The following SLC24A2 variants were observed in gnomAD, a reference collection of about 807,000 sequenced individuals.
SLC24A2 encodes sodium/potassium/calcium exchanger 2.
In SLC24A2, 36 loss-of-function variants were observed where a neutral mutation model predicts 62.0. That is an observed-to-expected ratio of 0.58 (90% CI 0.44 to 0.77). SLC24A2 has a LOEUF of 0.77. SLC24A2 is among the 30% of genes least tolerant of loss of function. The pLI is 0.00. For synonymous variants in SLC24A2, 358 were observed against 294.0 expected (o/e 1.22, Z -2.23); for missense variants, 846 against 817.9 (o/e 1.03, Z -0.42).
the SLC24A2 span, among the ~76,000 whole-genome samples, chr9:20,298,123 C>G: frequency 1.3e-5 from 2 of 152,222 alleles, no homozygotes; most frequent in African/African-American, 4.8e-5. Flanking sequence ...GAAGCTCAGA[C>G]AGTGCCAGGC....
chr9:20,133,370 C>A, the SLC24A2 span, among the ~76,000 whole-genome samples: 4 of 152,088 alleles, frequency 2.6e-5, no homozygotes, highest in Non-Finnish European at 5.9e-5. Flanking sequence ...ACAGGGCAAA[C>A]TTACAAACAA....
chr9:19,566,868 C>A (rs1366665928), intron 7 of SLC24A2, among the ~76,000 whole-genome samples: 2 of 151,896 alleles, frequency 1.3e-5, no homozygotes, highest in African/African-American at 4.8e-5. Context: ...GAACAAAAAA[C>A]CAAACACAGC....
At chr9:20,156,588 A>G in the SLC24A2 span, among the ~76,000 whole-genome samples, 1 of 151,732 alleles carries the variant, frequency 6.6e-6, no homozygotes, top group African/African-American at 2.4e-5. Context: ...CCCAAGGCAC[A>G]TATGTTGCTA....
intron 4 of SLC24A2, among the ~76,000 whole-genome samples, chr9:19,598,801 C>T (rs1290121192): frequency 6.6e-6 from 1 of 152,004 alleles, no homozygotes; most frequent in Non-Finnish European, 1.5e-5. Flanking sequence ...AAATATAAAA[C>T]ATATGTTCAT....
chr9:19,774,684 C>T (rs942962641), intron 2 of SLC24A2, among the ~76,000 whole-genome samples: 3 of 152,112 alleles, frequency 2.0e-5, no homozygotes, highest in African/African-American at 7.2e-5. Context: ...AACTCAGTGT[C>T]CATCAAGCAG....
the SLC24A2 span, among the ~76,000 whole-genome samples, chr9:20,028,180 C>A: frequency 6.6e-5 from 10 of 152,164 alleles, no homozygotes; most frequent in Non-Finnish European, 1.5e-4. Context: ...CTGCCCATCC[C>A]TTCCAAGGTA....
intron 9 of SLC24A2, among the ~76,000 whole-genome samples, chr9:19,524,053 T>C (rs116589476): frequency 7.2e-6 from 1 of 138,634 alleles, no homozygotes; most frequent in African/African-American, 2.7e-5. Context: ...GACAGTACTC[T>C]GAAAAATCAG....
chr9:20,069,620 G>A, the SLC24A2 span, among the ~76,000 whole-genome samples: 3 of 152,084 alleles, frequency 2.0e-5, no homozygotes, highest in Non-Finnish European at 4.4e-5. Context: ...TGATATCTAT[G>A]GTAATAATTA....
chr9:20,234,839 T>A, the SLC24A2 span, among the ~76,000 whole-genome samples: 2 of 152,228 alleles, frequency 1.3e-5, no homozygotes, highest in African/African-American at 4.8e-5. Context: ...GCTCTGTTTT[T>A]TTCCCATCTT....
the SLC24A2 span, among the ~76,000 whole-genome samples, chr9:20,220,634 T>C: frequency 6.6e-6 from 1 of 152,202 alleles, no homozygotes; most frequent in African/African-American, 2.4e-5. Flanking sequence ...TGTTTGTTTA[T>C]TTAGCTTTCA....
chr9:19,882,642 A>C, the SLC24A2 span, among the ~76,000 whole-genome samples: 1 of 150,018 alleles, frequency 6.7e-6, no homozygotes, highest in Non-Finnish European at 1.5e-5. Context: ...CCTCTGCAAA[A>C]GCTTCCTGAG....
chr9:20,198,232 C>T, the SLC24A2 span, among the ~76,000 whole-genome samples: 5 of 152,168 alleles, frequency 3.3e-5, no homozygotes, highest in Non-Finnish European at 7.3e-5. Flanking sequence ...AAAAGCATGT[C>T]ACTTTTCTTT....
the SLC24A2 span, among the ~76,000 whole-genome samples, chr9:20,043,094 T>C: frequency 6.6e-6 from 1 of 152,182 alleles, no homozygotes; most frequent in Non-Finnish European, 1.5e-5. Context: ...CCTTTCACTT[T>C]AATTCAAAAG....
At chr9:20,052,503 T>C in the SLC24A2 span, among the ~76,000 whole-genome samples, 4,840 of 152,342 alleles carry the variant, frequency 0.032, 266 homozygotes, top group African/African-American at 0.11. Flanking sequence ...CTCTAACTCC[T>C]TGATCTTCTT....
At chr9:20,016,770 G>C in the SLC24A2 span, among the ~76,000 whole-genome samples, 1 of 152,038 alleles carries the variant, frequency 6.6e-6, no homozygotes, top group East Asian at 1.9e-4. Flanking sequence ...GAAAAAGATA[G>C]GGGAGGATAC....
chr9:19,532,129 C>T (rs1833737697), intron 8 of SLC24A2, among the ~76,000 whole-genome samples: 2 of 152,174 alleles, frequency 1.3e-5, no homozygotes, highest in Non-Finnish European at 2.9e-5. Flanking sequence ...GTTGCCCAGG[C>T]TGGAGTGCAA....
At chr9:19,816,097 A>T in the SLC24A2 span, among the ~76,000 whole-genome samples, 1 of 149,886 alleles carries the variant, frequency 6.7e-6, no homozygotes, top group South Asian at 2.1e-4. Flanking sequence ...TTAGTTTTTC[A>T]CGAGTGTGCT....
At chr9:20,033,502 G>A in the SLC24A2 span, among the ~76,000 whole-genome samples, 1 of 152,212 alleles carries the variant, frequency 6.6e-6, no homozygotes, top group Non-Finnish European at 1.5e-5. Flanking sequence ...CAGGTGGAGG[G>A]TAGAGAGTTG....
At position 19,721,953 on chromosome 9, in the gene SLC24A2, T is replaced by C. The variant is rs569608884; in HGVS notation, c.930+63984A>G. 4.1e-4 allele frequency among the ~76,000 whole-genome samples: 63 copies of C among 152,284 alleles called. 1 individual carries two copies. The Middle Eastern group carries it at 0.01, about 25-fold the overall frequency. On this transcript the variant is annotated intron_variant, in intron 2 of 10. Coordinates refer to ENST00000341998, the MANE Select transcript of SLC24A2 (RefSeq NM_020344.4). Reference sequence around the variant, plus strand: ...CTCATATTTTCAAACTCTCTTTGTCTGTCTTTTACTCTCCATCTTCTAATA... The same window carrying C: ...CTCATATTTTCAAACTCTCTTTGTCCGTCTTTTACTCTCCATCTTCTAATA...
Sources: allele counts gnomAD v4.1 joint callset (sites outside exome capture counted in the v4.1 genomes callset), GRCh38; gene constraint gnomAD v4.1.1; transcripts MANE v1.5; gene names NCBI Gene and HGNC (gene_info 2026-07-23, HGNC 2026-07-21).